Variants in CCNH observed in about 807,000 individuals in gnomAD.
The protein encoded by CCNH is cyclin-H.
A neutral mutation model predicts 41.9 loss-of-function variants in CCNH; 31 were observed. The ratio of observed to expected loss-of-function variants is 0.74; its 90% CI spans 0.56 to 1.00. The LOEUF (loss-of-function observed/expected upper bound fraction) is 1.00. Among genes scored for constraint, CCNH ranks in the 50% least tolerant of loss-of-function variants. CCNH has a pLI of 0.00. For synonymous variants in CCNH, 138 were observed against 136.1 expected (o/e 1.01, Z -0.10); for missense variants, 362 against 388.4 (o/e 0.93, Z 0.57).
chr5:87,401,563 T>C, intron 6 of CCNH, 139 bp downstream of exon 6: 2 of 616,180 alleles, frequency 3.2e-6, no homozygotes, highest in East Asian at 5.9e-5. Context: ...GTGTCTTTCA[T>C]GCTTCCATAA....
chr5:87,348,416 A>G (rs934376388), intron 9 of CCNH, among the ~76,000 whole-genome samples: 2 of 152,038 alleles, frequency 1.3e-5, no homozygotes, highest in Non-Finnish European at 2.9e-5. Context: ...TCTATGTATT[A>G]TGAGTCACTG....
chr5:87,394,521 A>T, intron 8 of CCNH, 37 bp from the exon 9 acceptor site: 1 of 1,610,964 alleles, frequency 6.2e-7, no homozygotes, highest in East Asian at 2.2e-5. Flanking sequence ...GATAACACTG[A>T]AGCATAACCA....
At chr5:87,357,704 C>CAA (rs5869396) in intron 9 of CCNH, among the ~76,000 whole-genome samples, 7 of 150,002 alleles carry the variant, frequency 4.7e-5, no homozygotes, top group South Asian at 2.1e-4. Context: ...GATTCCATCT[C>CAA]AAAAAAAAAG....
chr5:87,394,243 T>A (rs1176776605), downstream of CCNH: 32 of 1,245,370 alleles, frequency 2.6e-5, no homozygotes, highest in Non-Finnish European at 3.2e-5. Context: ...CACGATGGAA[T>A]AAGAATATTC....
At chr5:87,389,080 A>AATT (rs1265836536), downstream of CCNH, among the ~76,000 whole-genome samples, 12 of 152,300 alleles carry the variant, frequency 7.9e-5, no homozygotes, top group African/African-American at 2.9e-4. Context: ...GAATCTTTAG[A>AATT]ATTTTAAGAG....
At chr5:87,377,604 C>T (rs1246904890), upstream of CCNH, among the ~76,000 whole-genome samples, 1 of 152,090 alleles carries the variant, frequency 6.6e-6, no homozygotes, top group Non-Finnish European at 1.5e-5. Context: ...TCCCAAAGTG[C>T]CGGGGTTACA....
At chr5:87,342,798 T>G (rs1758575344) in intron 9 of CCNH, among the ~76,000 whole-genome samples, 1 of 152,168 alleles carries the variant, frequency 6.6e-6, no homozygotes, top group African/African-American at 2.4e-5. Context: ...TGTTGTTAGA[T>G]CCTTCTGATT....
In CCNH at chr5:87,411,283, C is replaced by G. The variant is rs1397219825; in HGVS notation, c.181G>C (p.Glu61Gln). The G allele has an allele frequency of 4.3e-6, 7 of 1,612,942 alleles. No individual in the cohort carries two copies. Among genetic ancestry groups the G allele is most frequent in the Non-Finnish European group, 5.9e-6 (7 of 1,179,496 alleles). ...GAACAGAATTCCAATAACCTTTTCT[C>G]ATAGTATTTGCAGAGTGTCATTTCT... Reference protein sequence around the residue: ...HEEMTLCKYYEKRLLEFCSVF... With the variant: ...HEEMTLCKYYQKRLLEFCSVF... The change falls in exon 2 of 9, where the codon GAG becomes CAG. Residue 61 changes from glutamate to glutamine, a missense_variant. Physicochemically the swap from Glu to Gln is conservative, Grantham distance 29. Coordinates refer to ENST00000256897, the MANE Select transcript of CCNH (RefSeq NM_001239.4).
At chr5:87,345,929 G>T (rs376465650) in intron 9 of CCNH, among the ~76,000 whole-genome samples, 3 of 152,170 alleles carry the variant, frequency 2.0e-5, no homozygotes, top group South Asian at 2.1e-4. Context: ...TAAATAAGAG[G>T]TGATTTTATG....
chr5:87,372,550 T>C (rs1761025151), downstream of CCNH, among the ~76,000 whole-genome samples: 1 of 152,166 alleles, frequency 6.6e-6, no homozygotes, highest in Non-Finnish European at 1.5e-5. Context: ...CTAATCCCAA[T>C]AAACTTTTTT....
At chr5:87,377,827 A>G (rs1761429651), upstream of CCNH, among the ~76,000 whole-genome samples, 1 of 152,102 alleles carries the variant, frequency 6.6e-6, no homozygotes, top group Admixed American at 6.6e-5. Flanking sequence ...ATAAATAGTA[A>G]AGTTTAGAAC....
chr5:87,352,728 A>G (rs1481962114), intron 9 of CCNH, among the ~76,000 whole-genome samples: 1 of 151,790 alleles, frequency 6.6e-6, no homozygotes, highest in Non-Finnish European at 1.5e-5. Context: ...CAGTATGTGT[A>G]AATGTGATAA....
chr5:87,369,765 T>C, intron 9 of CCNH: 1 of 1,280,738 alleles, frequency 7.8e-7, no homozygotes, highest in Non-Finnish European at 1.1e-6. Context: ...ATAAATATTT[T>C]GCTACTTTTT....
chr5:87,412,903 G>A lies in CCNH; in HGVS notation c.-109C>T. ...ACCGAAGATCTCGCGGAAGCCTAGG[G>A]CGTCCGGCTAGCCGGCGCTGGCGCG... On this transcript the variant is annotated 5_prime_UTR_variant, in exon 1 of 9. Coordinates refer to ENST00000256897, the MANE Select transcript of CCNH (RefSeq NM_001239.4). 2.7e-6 allele frequency: 4 copies of A among 1,501,318 alleles called. No homozygotes were observed. Among genetic ancestry groups the A allele is most frequent in the Non-Finnish European group, 8.9e-7 (1 of 1,125,302 alleles). 93.0% of individuals were successfully genotyped at this position (1,501,318 alleles called of 1,614,324 possible).
downstream of CCNH, chr5:87,376,251 T>C (rs937659525): frequency 1.4e-5 from 13 of 921,670 alleles, no homozygotes; most frequent in East Asian, 2.6e-5. Context: ...CAACTAAATA[T>C]TGAATTTGTG....
intron 5 of CCNH, among the ~76,000 whole-genome samples, chr5:87,404,179 C>CA (rs1763623252): frequency 6.6e-6 from 1 of 152,138 alleles, no homozygotes; most frequent in African/African-American, 2.4e-5. Context: ...CAAGTGATGT[C>CA]TGTAATCAGG....
chr5:87,394,741 T>G (rs1196053662), intron 8 of CCNH: 1 of 1,328,058 alleles, frequency 7.5e-7, no homozygotes, highest in Admixed American at 3.6e-5. Flanking sequence ...ATAGAAAATT[T>G]TTTTTAAAAG....
chr5:87,376,736 G>T (rs142943604), exon 1 of CCNH: 2 of 1,196,670 alleles, frequency 1.7e-6, no homozygotes, highest in African/African-American at 1.5e-5. Context: ...AGTAGACTAC[G>T]AATTCATTCT....
downstream of CCNH, chr5:87,374,421 C>A (rs1225570553): frequency 2.3e-6 from 2 of 879,424 alleles, no homozygotes; most frequent in Non-Finnish European, 3.4e-6. Context: ...AACAAGGTAC[C>A]ATATCCAGGT....
Sources: allele counts gnomAD v4.1 joint callset (sites outside exome capture counted in the v4.1 genomes callset), GRCh38; gene constraint gnomAD v4.1.1; transcripts MANE v1.5; gene names NCBI Gene and HGNC (gene_info 2026-07-23, HGNC 2026-07-21).